Variants in AGBL1 observed in about 807,000 individuals in gnomAD.
AGBL1 encodes cytosolic carboxypeptidase 4.
AGBL1 carries 130 observed loss-of-function variants against 118.9 expected under a neutral mutation model. That is an observed-to-expected ratio of 1.09 (90% CI 0.95 to 1.26). AGBL1 has a LOEUF of 1.26. Among genes scored for constraint, AGBL1 ranks in the 50% most tolerant of loss-of-function variants. The pLI is 0.00. For synonymous variants in AGBL1, 555 were observed against 478.9 expected (o/e 1.16, Z -2.08); for missense variants, 1,584 against 1,298.1 (o/e 1.22, Z -3.38).
intron 6 of AGBL1, among the ~76,000 whole-genome samples, chr15:86,227,062 T>A (rs1038828958): frequency 2.0e-5 from 3 of 152,112 alleles, no homozygotes; most frequent in African/African-American, 7.2e-5. Flanking sequence ...GGATACCAAA[T>A]TTTTAAATGA....
intron 17 of AGBL1, among the ~76,000 whole-genome samples, chr15:86,390,312 C>G (rs2081256957): frequency 6.6e-6 from 1 of 151,938 alleles, no homozygotes; most frequent in Admixed American, 6.6e-5. Flanking sequence ...TTTAACATAC[C>G]ACTCTCAATA....
At chr15:86,762,334 A>C (rs182601334) in intron 22 of AGBL1, among the ~76,000 whole-genome samples, 4 of 152,174 alleles carry the variant, frequency 2.6e-5, no homozygotes, top group African/African-American at 9.6e-5. Context: ...TACCTATGTA[A>C]CAAACCTCCA....
At chr15:86,136,487 G>A (rs2076890880) in intron 1 of AGBL1, among the ~76,000 whole-genome samples, 1 of 152,164 alleles carries the variant, frequency 6.6e-6, no homozygotes, top group Admixed American at 6.6e-5. Context: ...GACATATGTG[G>A]CAATTGTGGG....
chr15:86,191,672 A>G (rs1356311700), intron 5 of AGBL1, among the ~76,000 whole-genome samples: 1 of 152,164 alleles, frequency 6.6e-6, no homozygotes, highest in Non-Finnish European at 1.5e-5. Context: ...ATCCTGGGTC[A>G]GGCATCCTTC....
At chr15:86,993,584 C>T (rs1026020799) in intron 24 of AGBL1, among the ~76,000 whole-genome samples, 7 of 152,124 alleles carry the variant, frequency 4.6e-5, no homozygotes, top group African/African-American at 7.2e-5. Flanking sequence ...GTTCTTCTCA[C>T]GTGGGTGGTT....
At chr15:86,896,768 G>A (rs1164681384) in intron 22 of AGBL1, among the ~76,000 whole-genome samples, 4 of 151,932 alleles carry the variant, frequency 2.6e-5, no homozygotes, top group East Asian at 3.9e-4. Context: ...AAGATTGATA[G>A]CATTTATATT....
chr15:86,378,048 C>T (rs755715886), intron 17 of AGBL1, among the ~76,000 whole-genome samples: 1 of 152,118 alleles, frequency 6.6e-6, no homozygotes, highest in Non-Finnish European at 1.5e-5. Flanking sequence ...CAAACCTGGG[C>T]TTCATGCTTC....
intron 19 of AGBL1, among the ~76,000 whole-genome samples, chr15:86,534,203 C>G (rs1286464381): frequency 1.3e-5 from 2 of 148,320 alleles, no homozygotes; most frequent in African/African-American, 5.0e-5. Context: ...TACAAGGAAA[C>G]TGGAGTGGTA....
At chr15:86,257,476 G>T (rs1340708859) in intron 8 of AGBL1, among the ~76,000 whole-genome samples, 2 of 152,204 alleles carry the variant, frequency 1.3e-5, no homozygotes, top group Non-Finnish European at 2.9e-5. Flanking sequence ...CCTGTCAAAA[G>T]ATCCTAGTAC....
intron 5 of AGBL1, among the ~76,000 whole-genome samples, chr15:86,174,340 T>G: frequency 6.6e-6 from 1 of 152,156 alleles, no homozygotes; most frequent in East Asian, 1.9e-4. Flanking sequence ...TCTAAGAGTT[T>G]TTTTGGTGTA....
chr15:86,596,591 CT>C (rs778854534), intron 21 of AGBL1, among the ~76,000 whole-genome samples: 3 of 152,134 alleles, frequency 2.0e-5, no homozygotes, highest in Non-Finnish European at 2.9e-5. Context: ...GGACTTCTCT[CT>C]CTTTTTTTTT....
chr15:86,572,738 G>A (rs1253383230), intron 21 of AGBL1, among the ~76,000 whole-genome samples: 3 of 152,218 alleles, frequency 2.0e-5, no homozygotes, highest in African/African-American at 7.2e-5. Flanking sequence ...TTCTCCAGCT[G>A]CCACCGCCTG....
At chr15:86,263,531 C>T (rs1275409337) in intron 10 of AGBL1, among the ~76,000 whole-genome samples, 3 of 152,226 alleles carry the variant, frequency 2.0e-5, no homozygotes, top group African/African-American at 7.2e-5. Flanking sequence ...CCCCCATGCA[C>T]TGAAAAAGCA....
intron 21 of AGBL1, among the ~76,000 whole-genome samples, chr15:86,562,878 G>T (rs2083848580): frequency 6.6e-6 from 1 of 151,764 alleles, no homozygotes; most frequent in African/African-American, 2.4e-5. Flanking sequence ...TTGGGAGGGT[G>T]CATGTGTCCA....
chr15:86,243,597 G>A (rs1719009982), intron 6 of AGBL1, among the ~76,000 whole-genome samples: 1 of 152,306 alleles, frequency 6.6e-6, no homozygotes, highest in East Asian at 1.9e-4. Flanking sequence ...GAGCTAGGGG[G>A]TGCCAGGAAG....
At position 86,090,314 on chromosome 15, in the gene AGBL1, T is replaced by G. The variant is rs533233526; in HGVS notation, c.51+10291T>G. 2.6e-5 allele frequency among the ~76,000 whole-genome samples: 4 copies of G among 152,304 alleles called. No individual in the cohort carries two copies. In the South Asian group the frequency reaches 6.2e-4, roughly 24 times the overall value. On this transcript the variant is annotated intron_variant, in intron 1 of 22. Transcript: ENST00000614907. ...AAAGGTAATACCTGTTCACTATTTGTAAAAAAATTTAATTAATATGTAGAT... is the reference window on the plus strand; with the variant it reads ...AAAGGTAATACCTGTTCACTATTTGGAAAAAAATTTAATTAATATGTAGAT...
intron 21 of AGBL1, among the ~76,000 whole-genome samples, chr15:86,605,838 G>C (rs2084568631): frequency 1.3e-5 from 2 of 151,842 alleles, no homozygotes; most frequent in Non-Finnish European, 2.9e-5. Flanking sequence ...GGTTGAAAGA[G>C]TAAAGAAGCC....
chr15:87,000,952 T>G (rs1480310751), intron 24 of AGBL1, among the ~76,000 whole-genome samples: 9 of 113,240 alleles, frequency 7.9e-5, no homozygotes, highest in Middle Eastern at 3.7e-3. Flanking sequence ...ACATCCCTTG[T>G]AAGTTGGATT....
intron 21 of AGBL1, among the ~76,000 whole-genome samples, chr15:86,576,534 C>T (rs1393529222): frequency 6.6e-6 from 1 of 152,184 alleles, no homozygotes; most frequent in African/African-American, 2.4e-5. Context: ...GTGACTGACA[C>T]AAGAGTAAGT....
Sources: allele counts gnomAD v4.1 joint callset (sites outside exome capture counted in the v4.1 genomes callset), GRCh38; gene constraint gnomAD v4.1.1; transcripts MANE v1.5; gene names NCBI Gene and HGNC (gene_info 2026-07-23, HGNC 2026-07-21).